UBA5: variants seen among roughly 807,000 people sequenced by gnomAD.
The protein encoded by UBA5 is ubiquitin-like modifier-activating enzyme 5.
Under a neutral mutation model 52.9 loss-of-function variants are expected in UBA5, and 28 were observed. The ratio of observed to expected loss-of-function variants is 0.53; its 90% CI spans 0.39 to 0.73. The LOEUF is 0.73. Among genes scored for constraint, UBA5 ranks in the 30% least tolerant of loss-of-function variants. UBA5 has a pLI of 0.00. For missense variants in UBA5, 388 were observed against 492.7 expected (o/e 0.79, Z 2.01); for synonymous variants, 135 against 162.1 (o/e 0.83, Z 1.27).
chr3:132,667,131 A>C (rs1938409647), intron 3 of UBA5: 1 of 152,174 alleles, frequency 6.6e-6, no homozygotes, highest in Non-Finnish European at 1.5e-5. Flanking sequence ...CTCTACTCCA[A>C]GTCTAGTCCC....
At position 132,676,450 on chromosome 3, in the gene UBA5, A is replaced by T; in HGVS notation, c.1139A>T (p.Asp380Val). The T allele has an allele frequency of 6.2e-7, 1 of 1,605,934 alleles. No homozygotes were observed. ...VAYTIPKKQE[D>V]SVTELTVEDS... ...TCCCTTATTTGTCAATAGCAAGAAGATTCTGTCACTGAGTTAACAGTGGAA... is the reference window on the plus strand; with the variant it reads ...TCCCTTATTTGTCAATAGCAAGAAGTTTCTGTCACTGAGTTAACAGTGGAA... Residue 380 changes from aspartate to valine, a missense_variant, in exon 12 of 12, where the codon GAT (aspartate) becomes GTT (valine). Physicochemically the swap from Asp to Val is radical, Grantham distance 152 (BLOSUM62 -3). Around this residue, in one of 3 missense-constraint regions of UBA5, gnomAD observed 277 missense variants for 326.4 expected, o/e 0.85. Transcript: ENST00000356232. The surrounding 1 kb of genome is among the most constrained non-coding windows in gnomAD (Gnocchi z 4.1).
rs190257204 is a variant in UBA5 at position 132,678,713 on chromosome 3, G to A, written c.*2187G>A. Among the ~76,000 whole-genome samples, 7 of 152,054 alleles carry A rather than the reference G, an allele frequency of 4.6e-5. No individual in the cohort carries two copies. The highest frequency in any genetic ancestry group is 7.2e-5 in the African/African-American group (3 of 41,496). ...TGCCCAGGCTGGAGTGCAGTGGCAC[G>A]ATCTCAGCTCACCACATCCTCCGCC... On this transcript the variant is annotated 3_prime_UTR_variant, in exon 12 of 12. Coordinates refer to ENST00000356232, the MANE Select transcript of UBA5 (RefSeq NM_024818.6).
chr3:132,659,695 C>T, upstream of UBA5: 1 of 1,612,146 alleles, frequency 6.2e-7, no homozygotes, highest in Non-Finnish European at 8.5e-7. Context: ...TGCTGTCGAA[C>T]TTGTGCTGGG....
intron 3 of UBA5, chr3:132,668,165 G>A (rs955216294): frequency 1.9e-5 from 2 of 108,034 alleles, no homozygotes; most frequent in African/African-American, 4.8e-5. Flanking sequence ...TTTAGTGTGT[G>A]TGTGTGTGTG....
intron 1 of UBA5, among the ~76,000 whole-genome samples, chr3:132,661,629 C>T (rs1391500241): frequency 6.6e-6 from 1 of 152,148 alleles, no homozygotes; most frequent in African/African-American, 2.4e-5. Context: ...TAGAGAGCCA[C>T]CTCAGGTTCA....
upstream of UBA5, among the ~76,000 whole-genome samples, chr3:132,658,274 ATG>A (rs1278475712): frequency 2.6e-5 from 4 of 152,310 alleles, no homozygotes; most frequent in East Asian, 7.7e-4. Context: ...CTAGAAATGA[ATG>A]TGTGTTCTCT....
At chr3:132,659,761 C>T (rs922557548), upstream of UBA5, 7 of 1,585,018 alleles carry the variant, frequency 4.4e-6, no homozygotes, top group Non-Finnish European at 6.0e-6. Flanking sequence ...TGATCACCCC[C>T]GCAGGCCACA....
At chr3:132,658,510 T>A (rs567711570), upstream of UBA5, among the ~76,000 whole-genome samples, 7 of 152,222 alleles carry the variant, frequency 4.6e-5, no homozygotes, top group Non-Finnish European at 8.8e-5. Context: ...CAGGACTAGA[T>A]GTTCAAAGGG....
intron 1 of UBA5, chr3:132,654,748 T>A (rs1038413737): frequency 6.6e-6 from 1 of 152,216 alleles, no homozygotes; most frequent in Non-Finnish European, 1.5e-5. Context: ...TTGCTGTGTT[T>A]CCCTTCTCTA....
chr3:132,664,465 GTTC>G (rs1023128047), intron 1 of UBA5, among the ~76,000 whole-genome samples: 2 of 151,492 alleles, frequency 1.3e-5, no homozygotes, highest in African/African-American at 4.9e-5. Context: ...ACTGGAAGAT[GTTC>G]TTCTAACCAC....
At chr3:132,670,682 G>T in intron 5 of UBA5, 1 of 241,996 alleles carries the variant, frequency 4.1e-6, no homozygotes. Context: ...GTGAAAGCTG[G>T]TAGTGAAAAA....
rs899059381 is a variant in UBA5, at chr3:132,660,964, T to A, written c.161+266T>A. On this transcript the variant is annotated intron_variant, in intron 1 of 11. Coordinates refer to ENST00000356232, the MANE Select transcript of UBA5 (RefSeq NM_024818.6). This position sits in a 1 kb window ranked among gnomAD's most constrained non-coding sequence, Gnocchi z 4.1. ...CGTGTGTCCAGTTTCCTATCACCCT[T>A]GCCTCTTAATTAGTCCGCCTCGCTG... The A allele has an allele frequency of 2.0e-6, 3 of 1,488,328 alleles. No individual in the cohort carries two copies. The Admixed American group carries it at 6.1e-5, about 30-fold the overall frequency. The allele number at this position is 1,488,328 out of a possible 1,614,324, so 92.2% of individuals were successfully genotyped here.
In UBA5 at chr3:132,672,077, A is replaced by C. The variant is rs755453105; in HGVS notation, c.712A>C (p.Asn238His). 9 of 1,613,836 alleles carry C rather than the reference A, an allele frequency of 5.6e-6. No homozygotes were observed. The highest frequency in any genetic ancestry group is 7.6e-6 in the Non-Finnish European group (9 of 1,179,950). Reference sequence around the variant, plus strand: ...TGCTCCACCACTTGTAGTTGCTGCAAATATTGATGAAAAGACTCTGAAACG... The same window carrying C: ...TGCTCCACCACTTGTAGTTGCTGCACATATTGATGAAAAGACTCTGAAACG... The part of the protein sequence containing the change: ...ACAPPLVVAA[N>H]IDEKTLKREG... The change falls in exon 8 of 12, where the codon AAT becomes CAT. Residue 238 changes from asparagine (N) to histidine (H), a missense_variant. Transcript: ENST00000356232.
At position 132,675,645 on chromosome 3, in the gene UBA5, A is replaced by T. The variant is rs764732753; in HGVS notation, c.989A>T (p.Glu330Val). 1.7e-5 allele frequency: 28 copies of T among 1,612,742 alleles called. No individual in the cohort carries two copies. The highest frequency in any genetic ancestry group is 2.2e-5 in the Non-Finnish European group (26 of 1,179,318). Reference protein sequence around the residue: ...AALPKQEVIQEEEEIIHEDNE... With the variant: ...AALPKQEVIQVEEEIIHEDNE... ...CTGCCTAAACAAGAGGTTATACAAGAAGAGGAAGAGATAATCCATGAAGAT... is the reference window on the plus strand; with the variant it reads ...CTGCCTAAACAAGAGGTTATACAAGTAGAGGAAGAGATAATCCATGAAGAT... Residue 330 changes from glutamate to valine, a missense_variant, in exon 10 of 12, where the codon GAA (glutamate) becomes GTA (valine). By Grantham distance (121) the Glu-to-Val change is moderately radical. Around this residue, in one of 3 missense-constraint regions of UBA5, gnomAD observed 277 missense variants for 326.4 expected, o/e 0.85. Transcript: ENST00000356232.
At chr3:132,665,651 C>A in intron 1 of UBA5, 172 bp from the exon 2 acceptor site, 1 of 602,848 alleles carries the variant, frequency 1.7e-6, no homozygotes, top group Non-Finnish European at 2.9e-6. Flanking sequence ...TTAAACGGTG[C>A]CTGGGTAATT....
intron 9 of UBA5, 74 bp from the exon 10 acceptor site, chr3:132,675,531 G>A (rs1223939054): frequency 6.6e-7 from 1 of 1,521,206 alleles, no homozygotes; most frequent in Admixed American, 1.9e-5. Context: ...TAAAAAGCCT[G>A]TCTGAATTCT....
At chr3:132,657,191 A>G (rs1937855154), upstream of UBA5, among the ~76,000 whole-genome samples, 1 of 152,208 alleles carries the variant, frequency 6.6e-6, no homozygotes, top group African/African-American at 2.4e-5. Flanking sequence ...CTATTTCTTC[A>G]TACAGATAAC....
chr3:132,673,140 T>A (rs150828846), intron 8 of UBA5, among the ~76,000 whole-genome samples: 2 of 152,142 alleles, frequency 1.3e-5, no homozygotes, highest in Admixed American at 1.3e-4. Context: ...GTTTAGACAG[T>A]AGTAGGCCCT....
chr3:132,665,129 G>A (rs909725493), intron 1 of UBA5, among the ~76,000 whole-genome samples: 1 of 152,030 alleles, frequency 6.6e-6, no homozygotes, highest in Admixed American at 6.6e-5. Context: ...AATGCTAAGA[G>A]CAAAATCTGA....
Sources: allele counts gnomAD v4.1 joint callset (sites outside exome capture counted in the v4.1 genomes callset), GRCh38; gene constraint gnomAD v4.1.1; regional missense constraint gnomAD v4.1.1; non-coding constraint Gnocchi (gnomAD v3.1); transcripts MANE v1.5; gene names NCBI Gene and HGNC (gene_info 2026-07-23, HGNC 2026-07-21).